CHST9: variants seen among roughly 807,000 people sequenced by gnomAD.
The protein encoded by CHST9 is carbohydrate sulfotransferase 9.
CHST9 carries 41 observed loss-of-function variants against 44.4 expected under a neutral mutation model. That is an observed-to-expected ratio of 0.92 (90% CI 0.72 to 1.20). CHST9 has a LOEUF of 1.20. Among genes scored for constraint, CHST9 ranks in the 50% most tolerant of loss-of-function variants. The pLI, the probability that CHST9 is intolerant of heterozygous loss-of-function variation, is 0.00. For synonymous variants in CHST9, 171 were observed against 178.4 expected, an observed-to-expected ratio of 0.96 and a Z score of 0.33; for missense variants, 504 against 516.5, an observed-to-expected ratio of 0.98 and a Z score of 0.23.
Position 26,964,567 on chromosome 18 carries a change from T to TA in CHST9, c.203-20202dup, listed in dbSNP as rs1182095014. ...TTCTCAGGCAGCAGACTGTGGGCCG[T>TA]AAACAGGTATGCCTCTGTATTTGCC... On this transcript the variant is annotated intron_variant, in intron 4 of 5. Transcript: ENST00000618847. 2.0e-5 allele frequency among the ~76,000 whole-genome samples: 3 copies of TA among 152,360 alleles called. No individual in the cohort carries two copies. The East Asian group carries it at 5.8e-4, about 29-fold the overall frequency.
chr18:27,171,489 A>G (rs2058833204), intron 1 of CHST9, among the ~76,000 whole-genome samples: 1 of 152,218 alleles, frequency 6.6e-6, no homozygotes, highest in South Asian at 2.1e-4. Context: ...TAAAAATGTA[A>G]CCAAAATCTA....
chr18:27,037,587 G>A (rs2057402873), intron 3 of CHST9, among the ~76,000 whole-genome samples: 1 of 152,190 alleles, frequency 6.6e-6, no homozygotes. Flanking sequence ...TTGCTACTCA[G>A]GAGGCTGAGG....
rs2055409857 is a variant in CHST9, at chr18:26,909,345, A to G, written c.*6914T>C. 1 of 152,226 alleles carries G rather than the reference A, an allele frequency of 6.6e-6. No homozygotes were observed. The highest frequency in any genetic ancestry group is 1.5e-5 in the Non-Finnish European group (1 of 68,036). 9.4% of individuals were successfully genotyped at this position (152,226 alleles called of 1,614,324 possible). On this transcript the variant is annotated 3_prime_UTR_variant, in exon 6 of 6. Transcript: ENST00000618847. ...CACACGAGAAGTACCCCAAGAGATT[A>G]TTAAAAAGGAAATTTTCAGGTGGTT...
At chr18:26,957,438 A>G (rs116588135) in intron 4 of CHST9, among the ~76,000 whole-genome samples, 1,652 of 152,314 alleles carry the variant, frequency 0.011, 28 homozygotes, top group African/African-American at 0.038. Flanking sequence ...TGTCCCAAAG[A>G]GAGCTATCAA....
In CHST9 at chr18:27,042,798, CCTCT is replaced by C. The variant is rs200302790; in HGVS notation, c.160+5663_160+5666del. Reference sequence around the variant, plus strand: ...ATCTCTCTCTCTCTCTCCCTCCCTCCCTCTCTCTCTCTTTTATATCTTCTTCCTT... The same window carrying C: ...ATCTCTCTCTCTCTCTCCCTCCCTCCCTCTCTCTTTTATATCTTCTTCCTT... On this transcript the variant is annotated intron_variant, in intron 3 of 5. Transcript: ENST00000618847. Among the ~76,000 whole-genome samples, 920 of 150,904 alleles carry C rather than the reference CCTCT, an allele frequency of 6.1e-3. 9 individuals carry two copies. The highest frequency in any genetic ancestry group is 0.019 in the African/African-American group (784 of 40,930).
At chr18:27,129,146 T>C (rs1378818462) in intron 2 of CHST9, among the ~76,000 whole-genome samples, 1 of 151,498 alleles carries the variant, frequency 6.6e-6, no homozygotes, top group Non-Finnish European at 1.5e-5. Flanking sequence ...AAATGTACTT[T>C]CAAGTTTCTG....
At chr18:27,033,133 C>T (rs1452313426) in intron 3 of CHST9, among the ~76,000 whole-genome samples, 1 of 152,184 alleles carries the variant, frequency 6.6e-6, no homozygotes, top group Non-Finnish European at 1.5e-5. Context: ...AGACACAGAC[C>T]TTGTATTATT....
intron 4 of CHST9, among the ~76,000 whole-genome samples, chr18:27,022,270 C>G (rs1400995282): frequency 2.6e-5 from 4 of 152,204 alleles, no homozygotes; most frequent in Non-Finnish European, 2.9e-5. Context: ...AAAATGGGAG[C>G]TTTCAGGCAT....
intron 4 of CHST9, among the ~76,000 whole-genome samples, chr18:26,963,630 A>G (rs1429950942): frequency 6.6e-6 from 1 of 152,010 alleles, no homozygotes; most frequent in Non-Finnish European, 1.5e-5. Flanking sequence ...GAAAACATCT[A>G]TTTCAACTCA....
At chr18:26,951,561 GTT>G (rs57277860) in intron 4 of CHST9, among the ~76,000 whole-genome samples, 68,820 of 150,806 alleles carry the variant, frequency 0.46, 16,034 homozygotes, top group African/African-American at 0.52. Flanking sequence ...AAGTCTTTTT[GTT>G]TTTTTTTTGG....
intron 1 of CHST9, among the ~76,000 whole-genome samples, chr18:27,181,269 G>A (rs1388645744): frequency 6.6e-6 from 1 of 152,138 alleles, no homozygotes; most frequent in African/African-American, 2.4e-5. Context: ...GATATTTCAT[G>A]CTATGGTATG....
chr18:27,028,442 G>C (rs1299575966), intron 3 of CHST9, among the ~76,000 whole-genome samples: 1 of 152,198 alleles, frequency 6.6e-6, no homozygotes, highest in African/African-American at 2.4e-5. Flanking sequence ...AGGCGGGCTA[G>C]AGGGCATCCG....
At chr18:26,972,149 G>T (rs1019405614) in intron 4 of CHST9, among the ~76,000 whole-genome samples, 12 of 151,882 alleles carry the variant, frequency 7.9e-5, no homozygotes, top group Non-Finnish European at 1.3e-4. Context: ...TTGAGGTCAG[G>T]AGTTCCAGAC....
chr18:27,158,582 T>C (rs1053302957), intron 1 of CHST9, among the ~76,000 whole-genome samples: 1 of 152,158 alleles, frequency 6.6e-6, no homozygotes, highest in African/African-American at 2.4e-5. Flanking sequence ...CACGTGTCTT[T>C]ATAGCAGCAT....
chr18:27,008,653 T>G (rs1044365774), intron 4 of CHST9, among the ~76,000 whole-genome samples: 1 of 152,188 alleles, frequency 6.6e-6, no homozygotes, highest in African/African-American at 2.4e-5. Context: ...AAGTGTTAAA[T>G]GAGTTCCTTG....
At chr18:26,967,626 G>A (rs1287888218) in intron 4 of CHST9, among the ~76,000 whole-genome samples, 2 of 152,114 alleles carry the variant, frequency 1.3e-5, no homozygotes, top group African/African-American at 4.8e-5. Context: ...ATATTCTATC[G>A]GTTAAATTCT....
At chr18:26,938,491 A>G (rs149590640) in intron 5 of CHST9, among the ~76,000 whole-genome samples, 15 of 152,324 alleles carry the variant, frequency 9.8e-5, no homozygotes, top group African/African-American at 3.4e-4. Flanking sequence ...CCAAACTTGC[A>G]AAGAGAAACT....
chr18:27,176,635 A>G (rs2058870691), intron 1 of CHST9, among the ~76,000 whole-genome samples: 1 of 151,968 alleles, frequency 6.6e-6, no homozygotes, highest in Non-Finnish European at 1.5e-5. Context: ...TGTATCTACA[A>G]GTGGGCAATG....
chr18:27,148,075 C>G (rs900417865), intron 1 of CHST9, among the ~76,000 whole-genome samples: 3 of 151,876 alleles, frequency 2.0e-5, no homozygotes, highest in Non-Finnish European at 4.4e-5. Context: ...TCCACATGTT[C>G]TCATCATTGA....
Sources: gnomAD v4.1 joint callset for allele counts (sites outside exome capture counted in the v4.1 genomes callset) on GRCh38, gnomAD v4.1.1 for gene constraint, MANE v1.5 for transcripts, NCBI Gene and HGNC (gene_info 2026-07-23, HGNC 2026-07-21) for gene names.